AP3B1: variants seen among roughly 807,000 people sequenced by gnomAD.
AP3B1 encodes AP-3 complex subunit beta-1.
AP3B1 carries 61 observed loss-of-function variants against 132.5 expected under a neutral mutation model. The ratio of observed to expected loss-of-function variants is 0.46; its 90% CI spans 0.37 to 0.57. The LOEUF is 0.57. AP3B1 is among the 20% of genes least tolerant of loss of function. The pLI, the probability that AP3B1 is intolerant of heterozygous loss-of-function variation, is 0.00. For synonymous variants in AP3B1, 388 were observed against 438.3 expected, an observed-to-expected ratio of 0.89 and a Z score of 1.43; for missense variants, 1,120 against 1,289.4, an observed-to-expected ratio of 0.87 and a Z score of 2.01.
At chr5:78,127,466 T>C (rs1325355123) in intron 17 of AP3B1, among the ~76,000 whole-genome samples, 1 of 152,134 alleles carries the variant, frequency 6.6e-6, no homozygotes, top group Admixed American at 6.5e-5. Context: ...TTTTTAAAGA[T>C]TGAGAAAAAG....
intron 22 of AP3B1, among the ~76,000 whole-genome samples, chr5:78,068,426 T>C (rs1179573028): frequency 6.6e-6 from 1 of 151,756 alleles, no homozygotes; most frequent in South Asian, 2.1e-4. Flanking sequence ...ATAGATATAA[T>C]AAAAAATAAT....
chr5:78,195,288 G>A (rs765946878), intron 7 of AP3B1, among the ~76,000 whole-genome samples: 11 of 152,164 alleles, frequency 7.2e-5, no homozygotes, highest in Admixed American at 1.3e-4. Flanking sequence ...ATAGGGATTC[G>A]TTGAACTGTC....
intron 22 of AP3B1, among the ~76,000 whole-genome samples, chr5:78,084,847 T>C (rs531206721): frequency 6.6e-6 from 1 of 152,258 alleles, no homozygotes; most frequent in East Asian, 1.9e-4. Context: ...AATTGTACAA[T>C]TTTACAAAAT....
In AP3B1 at chr5:78,110,114, A is replaced by G. The variant is rs1235206647; in HGVS notation, c.2397+93T>C. ...TAAGGGAAAGGCTTATCTAGAAAAA[A>G]TAAAATCACAGGAGTAGATGAGGAT... On this transcript the variant is annotated intron_variant, in intron 20 of 26. Coordinates refer to ENST00000255194, the MANE Select transcript of AP3B1 (RefSeq NM_003664.5). 3 of 1,176,970 alleles carry G rather than the reference A, an allele frequency of 2.5e-6. No individual in the cohort carries two copies. In the African/African-American group the frequency reaches 4.6e-5, roughly 18 times the overall value. 72.9% of individuals were successfully genotyped at this position (1,176,970 alleles called of 1,614,324 possible).
chr5:78,006,769 A>G (rs545137704), intron 26 of AP3B1, among the ~76,000 whole-genome samples: 28 of 152,226 alleles, frequency 1.8e-4, no homozygotes, highest in Non-Finnish European at 3.5e-4. Flanking sequence ...TCTATCACCA[A>G]CCACTTGCTG....
chr5:78,075,518 G>C (rs575999082), intron 22 of AP3B1, among the ~76,000 whole-genome samples: 1 of 152,204 alleles, frequency 6.6e-6, no homozygotes, highest in African/African-American at 2.4e-5. Context: ...CGGAAGAGTT[G>C]TAACTCCACT....
chr5:78,215,170 T>C (rs75427480), intron 7 of AP3B1, among the ~76,000 whole-genome samples: 3,760 of 152,072 alleles, frequency 0.025, 179 homozygotes, highest in African/African-American at 0.083. Flanking sequence ...TAAGTATGTA[T>C]ACAGACCACT....
chr5:78,146,304 G>A (rs1753390603), intron 14 of AP3B1, among the ~76,000 whole-genome samples: 1 of 152,076 alleles, frequency 6.6e-6, no homozygotes, highest in Non-Finnish European at 1.5e-5. Context: ...GGTAACTTGT[G>A]GTTGACCATT....
intron 22 of AP3B1, among the ~76,000 whole-genome samples, chr5:78,070,295 T>C (rs1015068844): frequency 2.6e-5 from 4 of 150,952 alleles, no homozygotes; most frequent in African/African-American, 7.3e-5. Context: ...TAATCCCAGA[T>C]ACTTGGGAGG....
chr5:78,184,811 G>A lies in AP3B1; in HGVS notation c.787-3149C>T, dbSNP rs74362930. Among the ~76,000 whole-genome samples, 186 of 152,114 alleles carry A rather than the reference G, an allele frequency of 1.2e-3. 2 individuals are homozygous for A. The East Asian group carries it at 0.019, about 16-fold the overall frequency. ...GGCAAGAGTTGAAAGAGAACTCAAA[G>A]AAATAATGACTGCAAACTTTTTAAA... On this transcript the variant is annotated intron_variant, in intron 7 of 26. Transcript: ENST00000255194.
At chr5:78,049,628 T>C (rs1561374472) in intron 22 of AP3B1, among the ~76,000 whole-genome samples, 1 of 152,182 alleles carries the variant, frequency 6.6e-6, no homozygotes, top group East Asian at 1.9e-4. Flanking sequence ...TTTAATGAAA[T>C]AATCTGGCTA....
At chr5:78,098,609 G>T (rs778834256) in intron 21 of AP3B1, among the ~76,000 whole-genome samples, 24 of 152,186 alleles carry the variant, frequency 1.6e-4, no homozygotes, top group Admixed American at 1.3e-3. Flanking sequence ...AATATAAAAT[G>T]AAAGTCTTAT....
intron 1 of AP3B1, among the ~76,000 whole-genome samples, chr5:78,293,495 A>G (rs1008414442): frequency 3.3e-5 from 5 of 152,242 alleles, no homozygotes; most frequent in African/African-American, 1.2e-4. Flanking sequence ...AAGTAGTAGC[A>G]CTTTCTAGAC....
At chr5:78,085,608 GT>G (rs1435446251) in intron 22 of AP3B1, among the ~76,000 whole-genome samples, 1 of 151,966 alleles carries the variant, frequency 6.6e-6, no homozygotes, top group Non-Finnish European at 1.5e-5. Context: ...AATTTTTCCA[GT>G]TCTAGTCCTT....
At chr5:78,276,972 G>GAA (rs35310912) in intron 1 of AP3B1, among the ~76,000 whole-genome samples, 4 of 148,780 alleles carry the variant, frequency 2.7e-5, no homozygotes, top group Admixed American at 6.7e-5. Flanking sequence ...AGAATGCTAG[G>GAA]AAAAAAAAAC....
At chr5:78,129,702 A>G (rs1752612144) in intron 15 of AP3B1, among the ~76,000 whole-genome samples, 1 of 152,152 alleles carries the variant, frequency 6.6e-6, no homozygotes, top group African/African-American at 2.4e-5. Flanking sequence ...AAAACATCAG[A>G]AAGTATTAGG....
Position 78,240,711 on chromosome 5 carries a change from T to C in AP3B1, c.279+151A>G, listed in dbSNP as rs1001331938. Reference sequence around the variant, plus strand: ...AGCTAGGATTGTGCCTACTTTTTATTTGATCTTACCTACATTTAAAATTAA... The same window carrying C: ...AGCTAGGATTGTGCCTACTTTTTATCTGATCTTACCTACATTTAAAATTAA... On this transcript the variant is annotated intron_variant, in intron 3 of 26. Coordinates refer to ENST00000255194, the MANE Select transcript of AP3B1 (RefSeq NM_003664.5). 3 of 593,432 alleles carry C rather than the reference T, an allele frequency of 5.1e-6. No individual in the cohort carries two copies. The African/African-American group carries it at 5.6e-5, about 11-fold the overall frequency. The allele number at this position is 593,432 out of a possible 1,614,324, so 36.8% of individuals were successfully genotyped here.
chr5:78,101,618 T>C (rs1751126591), intron 20 of AP3B1, among the ~76,000 whole-genome samples: 1 of 152,074 alleles, frequency 6.6e-6, no homozygotes, highest in Non-Finnish European at 1.5e-5. Context: ...TCTACTGTTT[T>C]GTTGAGAAAA....
intron 8 of AP3B1, among the ~76,000 whole-genome samples, chr5:78,181,275 C>T (rs1744357096): frequency 6.6e-6 from 1 of 152,076 alleles, no homozygotes; most frequent in African/African-American, 2.4e-5. Context: ...CTCTGTATAC[C>T]TGGAAACATG....
Sources: allele counts gnomAD v4.1 joint callset (sites outside exome capture counted in the v4.1 genomes callset), GRCh38; gene constraint gnomAD v4.1.1; transcripts MANE v1.5; gene names NCBI Gene and HGNC (gene_info 2026-07-23, HGNC 2026-07-21).